Variants in DDIAS observed in about 807,000 individuals in gnomAD.
The protein encoded by DDIAS is DNA damage induced apoptosis suppressor.
In DDIAS, 14 loss-of-function variants were observed where a neutral mutation model predicts 15.7. The ratio of observed to expected loss-of-function variants is 0.89; its 90% CI spans 0.59 to 1.39. The LOEUF (loss-of-function observed/expected upper bound fraction) is 1.39. DDIAS is among the 40% of genes most tolerant of loss of function. The pLI, the probability that DDIAS is intolerant of heterozygous loss-of-function variation, is 0.00. For missense variants in DDIAS, 1,035 were observed against 1,130.9 expected, an observed-to-expected ratio of 0.92 and a Z score of 1.22; for synonymous variants, 355 against 395.9, an observed-to-expected ratio of 0.90 and a Z score of 1.23.
rs747321255 is a variant in DDIAS, at chr11:82,932,429, A to C, written c.1091A>C (p.Asn364Thr). The C allele has an allele frequency of 6.2e-7, 1 of 1,614,188 alleles. No individual in the cohort carries two copies. Among genetic ancestry groups the C allele is most frequent in the Admixed American group, 1.7e-5 (1 of 60,028 alleles). The change falls in exon 6 of 6, where the codon AAT becomes ACT. Residue 364 changes from asparagine to threonine, a missense_variant. By Grantham distance (65) the Asn-to-Thr change is moderately conservative (BLOSUM62 0). Coordinates refer to ENST00000533655, the MANE Select transcript of DDIAS (RefSeq NM_145018.4). ...TTCCACAGTGCAGTGGAAATTAAAAATAGGTCCCAGCATGAGCTACCATGT... is the reference window on the plus strand; with the variant it reads ...TTCCACAGTGCAGTGGAAATTAAAACTAGGTCCCAGCATGAGCTACCATGT... ...KSFHSAVEIK[N>T]RSQHELPCFQ...
chr11:82,917,518 T>C (rs1274750071), intron 3 of DDIAS, among the ~76,000 whole-genome samples: 5 of 152,338 alleles, frequency 3.3e-5, no homozygotes, highest in East Asian at 1.9e-4. Context: ...CGTGTATATA[T>C]ACCACAGTTT....
intron 3 of DDIAS, among the ~76,000 whole-genome samples, chr11:82,922,148 C>G (rs1249125640): frequency 6.6e-6 from 1 of 152,112 alleles, no homozygotes; most frequent in Non-Finnish European, 1.5e-5. Flanking sequence ...AAGATTCTTT[C>G]CTTTGTCTTA....
At chr11:82,927,013 G>A (rs559089962) in intron 3 of DDIAS, among the ~76,000 whole-genome samples, 102 of 152,164 alleles carry the variant, frequency 6.7e-4, no homozygotes, top group African/African-American at 2.4e-3. Flanking sequence ...TTCATGATAC[G>A]AGTTCACAGT....
chr11:82,917,302 C>T (rs916373577), intron 3 of DDIAS, among the ~76,000 whole-genome samples: 4 of 152,012 alleles, frequency 2.6e-5, no homozygotes, highest in Non-Finnish European at 5.9e-5. Context: ...CACCCCCTCC[C>T]ACCCTTCCCC....
Position 82,933,759 on chromosome 11 carries a change from A to C in DDIAS, c.2421A>C (p.Lys807Asn). Residue 807 changes from lysine (K) to asparagine (N), a missense_variant, in exon 6 of 6, where the codon AAA (lysine) becomes AAC (asparagine). By Grantham distance (94) the Lys-to-Asn change is moderately conservative. Transcript: ENST00000533655. The stretch of plus-strand genomic sequence containing the variant: ...CAGATCTTGATGGTAACTATGAAAA[A>C]ATAAGGATTTTCCCTGAAAATGACA... Reference protein sequence around the residue: ...FYSDLDGNYEKIRIFPENDKQ... With the variant: ...FYSDLDGNYENIRIFPENDKQ... 3 of 1,610,800 alleles carry C rather than the reference A, an allele frequency of 1.9e-6. No individual in the cohort carries two copies. The highest frequency in any genetic ancestry group is 2.5e-6 in the Non-Finnish European group (3 of 1,179,260).
intron 4 of DDIAS, among the ~76,000 whole-genome samples, chr11:82,929,925 G>A (rs1478708184): frequency 3.9e-5 from 6 of 152,086 alleles, no homozygotes; most frequent in East Asian, 3.9e-4. Flanking sequence ...AATCATTGCC[G>A]GGCCTGATGG....
intron 3 of DDIAS, among the ~76,000 whole-genome samples, chr11:82,924,897 A>G (rs1405621022): frequency 6.6e-6 from 1 of 152,206 alleles, no homozygotes; most frequent in Admixed American, 6.5e-5. Context: ...AAAGATAGCA[A>G]ATTACAGCTA....
Position 82,934,400 on chromosome 11 carries a change from C to T in DDIAS, c.*65C>T, listed in dbSNP as rs992859615. 3.5e-5 allele frequency: 50 copies of T among 1,446,222 alleles called. No individual in the cohort carries two copies. The Admixed American group carries it at 6.3e-4, about 18-fold the overall frequency. The allele number at this position is 1,446,222 out of a possible 1,614,324, so 89.6% of individuals were successfully genotyped here. On this transcript the variant is annotated 3_prime_UTR_variant, in exon 6 of 6. Transcript: ENST00000533655. ...TTGGAAATGTTTGCCTTCAGGGGTA[C>T]GGAAAGCATTCTTTACATTTTGAAC...
rs542562204 is a variant in DDIAS at position 82,932,309 on chromosome 11, C to G, written c.971C>G (p.Ala324Gly). The G allele has an allele frequency of 6.2e-7, 1 of 1,613,978 alleles. No homozygotes were observed. Among genetic ancestry groups the G allele is most frequent in the African/African-American group, 1.3e-5 (1 of 75,032 alleles). Residue 324 changes from alanine (A) to glycine (G), a missense_variant, in exon 6 of 6, where the codon GCA becomes GGA. By Grantham distance (60) the Ala-to-Gly change is moderately conservative (BLOSUM62 0). Coordinates refer to ENST00000533655, the MANE Select transcript of DDIAS (RefSeq NM_145018.4). ...ELGLQAKELS[A>G]VHSSHHEIGV... Reference sequence around the variant, plus strand: ...GGCTTACAAGCTAAGGAGCTGAGTGCAGTTCACAGCAGTCATCATGAAATT... The same window carrying G: ...GGCTTACAAGCTAAGGAGCTGAGTGGAGTTCACAGCAGTCATCATGAAATT...
intron 1 of DDIAS, among the ~76,000 whole-genome samples, chr11:82,906,112 A>G (rs1231800157): frequency 6.6e-6 from 1 of 152,174 alleles, no homozygotes; most frequent in East Asian, 1.9e-4. Context: ...TAAATAAATA[A>G]ATACAAAAAT....
chr11:82,924,571 T>C (rs944651446), intron 3 of DDIAS, among the ~76,000 whole-genome samples: 1 of 152,222 alleles, frequency 6.6e-6, no homozygotes, highest in Admixed American at 6.5e-5. Context: ...TCCCAGCATT[T>C]GGGAGGCCAA....
intron 5 of DDIAS, among the ~76,000 whole-genome samples, 199 bp from the exon 6 acceptor site, chr11:82,931,532 AT>A (rs1378629204): frequency 1.3e-5 from 2 of 151,286 alleles, no homozygotes; most frequent in Admixed American, 6.6e-5. Context: ...TTGTGGGGGT[AT>A]TTTTTTTAGA....
At chr11:82,930,837 A>G (rs991074360) in intron 5 of DDIAS, among the ~76,000 whole-genome samples, 1 of 152,138 alleles carries the variant, frequency 6.6e-6, no homozygotes, top group Non-Finnish European at 1.5e-5. Flanking sequence ...ATTTTTTTCC[A>G]CACTGGAATC....
intron 3 of DDIAS, among the ~76,000 whole-genome samples, chr11:82,920,114 G>A (rs955274241): frequency 2.0e-5 from 3 of 151,996 alleles, no homozygotes; most frequent in African/African-American, 4.8e-5. Context: ...TAAGCTAGGA[G>A]GGTTGTATTT....
In DDIAS at chr11:82,932,088, A is replaced by AAAAC. The variant is rs1336369444; in HGVS notation, c.750_751insAAAC (p.Gln251LysfsTer6). The AAAAC allele has an allele frequency of 3.1e-6, 5 of 1,613,988 alleles. No individual in the cohort carries two copies. The highest frequency in any genetic ancestry group is 2.2e-5 in the East Asian group (1 of 44,892). On this transcript the variant is annotated frameshift_variant, in exon 6 of 6. Coordinates refer to ENST00000533655, the MANE Select transcript of DDIAS (RefSeq NM_145018.4). LOFTEE classifies it low-confidence loss of function (END_TRUNC). ...CACTTGAATTCACTTGCATTGTTTCACAACTAACAGATAATGATGATTTTT... is the reference window on the plus strand; with the variant it reads ...CACTTGAATTCACTTGCATTGTTTCAAAACCAACTAACAGATAATGATGATTTTT...
At position 82,933,723 on chromosome 11, in the gene DDIAS, TG is replaced by T; in HGVS notation, c.2386del (p.Val796TyrfsTer13). The T allele has an allele frequency of 6.2e-7, 1 of 1,612,952 alleles. No individual in the cohort carries two copies. Among genetic ancestry groups the T allele is most frequent in the Non-Finnish European group, 8.5e-7 (1 of 1,179,750 alleles). ...HGINRAFKKP[V>X]FYSDLDGNYE... ...GGATAAACAGAGCTTTCAAAAAACC[TG>T]TATTTTATTCAGATCTTGATGGTAA... On this transcript the variant is annotated frameshift_variant, in exon 6 of 6. Coordinates refer to ENST00000533655, the MANE Select transcript of DDIAS (RefSeq NM_145018.4). LOFTEE classifies it low-confidence loss of function (END_TRUNC).
rs889336451 is a variant in DDIAS at position 82,928,954 on chromosome 11, A to C, written c.275+16A>C. 1.4e-5 allele frequency: 23 copies of C among 1,590,578 alleles called. No individual in the cohort carries two copies. Among genetic ancestry groups the C allele is most frequent in the Non-Finnish European group, 2.0e-5 (23 of 1,174,050 alleles). ...GTTTGCACAGGTAAGAATACTTAAA[A>C]CATCCTTTTTCCTGACTGCCCTTAG... is the stretch of plus-strand genomic sequence containing the variant. On this transcript the variant is annotated intron_variant, in intron 4 of 5. Transcript: ENST00000533655.
intron 3 of DDIAS, among the ~76,000 whole-genome samples, chr11:82,928,202 TTTTTTTTTTTTTTTG>T (rs1860907873): frequency 1.9e-5 from 2 of 105,944 alleles, no homozygotes; most frequent in Admixed American, 1.0e-4. Context: ...TTTTTTTTTT[TTTTTTTTTTTTTTTG>T]AGACGGAATG....
Position 82,934,123 on chromosome 11 carries a change from G to C in DDIAS, c.2785G>C (p.Val929Leu). ...ATTAAAGAATATGCTTGCAGCAGTT[G>C]TTACGAAAAAGAAAACTCATAAATA... is the stretch of plus-strand genomic sequence containing the variant. ...KKLKNMLAAV[V>L]TKKKTHKYNC... is the part of the protein sequence containing the mutation. The change falls in exon 6 of 6, where the codon GTT (valine) becomes CTT (leucine). Residue 929 changes from valine to leucine, a missense_variant. Transcript: ENST00000533655. 1 of 1,609,316 alleles carries C rather than the reference G, an allele frequency of 6.2e-7. No homozygotes were observed. Among genetic ancestry groups the C allele is most frequent in the Non-Finnish European group, 8.5e-7 (1 of 1,178,810 alleles).
Sources: gnomAD v4.1 joint callset for allele counts (sites outside exome capture counted in the v4.1 genomes callset) on GRCh38, gnomAD v4.1.1 for gene constraint, MANE v1.5 for transcripts, NCBI Gene and HGNC (gene_info 2026-07-23, HGNC 2026-07-21) for gene names.